The following CCDC40 variants were observed in gnomAD, a reference collection of about 807,000 sequenced individuals.
CCDC40 encodes the protein coiled-coil domain-containing protein 40.
A neutral mutation model predicts 124.5 loss-of-function variants in CCDC40; 104 were observed. The observed-to-expected ratio is 0.84, with a 90% CI of 0.71 to 0.98. CCDC40 has a LOEUF of 0.98. Ranked by LOEUF, CCDC40 falls within the 50% of genes least tolerant of loss-of-function variation. The pLI is 0.00. For missense variants in CCDC40, 1,463 were observed against 1,503.9 expected, an observed-to-expected ratio of 0.97 and a Z score of 0.45; for synonymous variants, 580 against 602.9, an observed-to-expected ratio of 0.96 and a Z score of 0.56.
Position 80,087,539 on chromosome 17 carries a change from C to A in CCDC40, c.2450-68C>A. On this transcript the variant is annotated intron_variant, in intron 14 of 19. Coordinates refer to ENST00000397545, the MANE Select transcript of CCDC40 (RefSeq NM_017950.4). This position sits in a 1 kb window ranked among gnomAD's most constrained non-coding sequence, Gnocchi z 4.5. ...CAAAACCTGGCTCACCTCTCGGACA[C>A]TGCTGCCTGCGGGCGAGGACCCGTA... 7.5e-7 allele frequency: 1 copy of A among 1,336,690 alleles called. No individual in the cohort carries two copies. The highest frequency in any genetic ancestry group is 1.1e-6 in the Non-Finnish European group (1 of 934,650). 82.8% of individuals were successfully genotyped at this position (1,336,690 alleles called of 1,614,324 possible). A position where few individuals can be genotyped will look rare whatever the true frequency, so the allele number is the denominator to read the frequency against.
In CCDC40 at chr17:80,086,219, A is replaced by G. The variant is rs2143749301; in HGVS notation, c.2449+3A>G. Reference sequence around the variant, plus strand: ...GCAGAAGAAACTACGAGTAGAAAGTAAGAGCCGCCGTGCCCGGCCCTGCAG... The same window carrying G: ...GCAGAAGAAACTACGAGTAGAAAGTGAGAGCCGCCGTGCCCGGCCCTGCAG... On this transcript the variant is annotated splice_donor_region_variant and intron_variant, in intron 14 of 19. Transcript: ENST00000397545. This position sits in a 1 kb window ranked among gnomAD's most constrained non-coding sequence, Gnocchi z 5.5. 6.3e-7 allele frequency: 1 copy of G among 1,592,046 alleles called. No homozygotes were observed. Among genetic ancestry groups the G allele is most frequent in the Non-Finnish European group, 8.5e-7 (1 of 1,169,786 alleles).
At chr17:80,090,329 AGGCACGTGCACGAACAAGGGACGC>A in intron 17 of CCDC40, 2 of 684,062 alleles carry the variant, frequency 2.9e-6, no homozygotes, top group East Asian at 3.4e-5. Context: ...GGACGCGCGC[AGGCACGTGCACGAACAAGGGACGC>A]GCGCAGGCAC....
At chr17:80,037,972 T>C in intron 1 of CCDC40, 151 bp from the exon 2 acceptor site, 1 of 652,760 alleles carries the variant, frequency 1.5e-6, no homozygotes, top group South Asian at 1.5e-5. Context: ...GTGCTATGGT[T>C]CCTGACAAAC....
intron 19 of CCDC40, among the ~76,000 whole-genome samples, 191 bp from the exon 20 acceptor site, chr17:80,099,336 A>G (rs893409367): frequency 6.6e-6 from 1 of 151,416 alleles, no homozygotes; most frequent in South Asian, 2.1e-4. Flanking sequence ...TGGGTGACCC[A>G]TAAAGCACCG....
At chr17:80,041,400 C>A (rs1192686334) in intron 3 of CCDC40, among the ~76,000 whole-genome samples, 1 of 151,724 alleles carries the variant, frequency 6.6e-6, no homozygotes, top group Non-Finnish European at 1.5e-5. Context: ...CCCAGCTACT[C>A]GGGAGGCTGA....
At chr17:80,062,884 C>T (rs1394339034) in intron 9 of CCDC40, among the ~76,000 whole-genome samples, 1 of 152,172 alleles carries the variant, frequency 6.6e-6, no homozygotes, top group African/African-American at 2.4e-5. Flanking sequence ...AGCCACCGCA[C>T]CTGGCACAAT....
At chr17:80,047,172 C>T (rs1162114681) in intron 3 of CCDC40, 107 bp from the exon 4 acceptor site, 3 of 1,246,448 alleles carry the variant, frequency 2.4e-6, no homozygotes, top group Non-Finnish European at 3.5e-6. Flanking sequence ...ACACAGGTGA[C>T]TATATTTTGA....
At chr17:80,070,140 G>A (rs62074556) in intron 10 of CCDC40, among the ~76,000 whole-genome samples, 16,841 of 152,292 alleles carry the variant, frequency 0.11, 968 homozygotes, top group Middle Eastern at 0.14. Context: ...GGGATGGGTT[G>A]GGTGTGGGCA....
At chr17:80,078,464 G>A (rs1294719823) in intron 10 of CCDC40, among the ~76,000 whole-genome samples, 6 of 152,122 alleles carry the variant, frequency 3.9e-5, no homozygotes, top group Non-Finnish European at 7.4e-5. Context: ...GTTTGTTGTG[G>A]TATGAGCGGG....
chr17:80,066,409 G>T lies in CCDC40; in HGVS notation c.1562+803G>T. The stretch of plus-strand genomic sequence containing the variant: ...TAAAGAAACAAAATGAAACCATTTT[G>T]TTTTTAAAAGTTTTTAGACCAAAAC... On this transcript the variant is annotated intron_variant, in intron 10 of 19. Coordinates refer to ENST00000397545, the MANE Select transcript of CCDC40 (RefSeq NM_017950.4). This position sits in a 1 kb window ranked among gnomAD's most constrained non-coding sequence, Gnocchi z 4.4. 1.9e-6 allele frequency: 1 copy of T among 534,190 alleles called. No homozygotes were observed. The highest frequency in any genetic ancestry group is 2.5e-5 in the South Asian group (1 of 39,822). 33.1% of individuals were successfully genotyped at this position (534,190 alleles called of 1,614,324 possible). A position where few individuals can be genotyped will look rare whatever the true frequency, so the allele number is the denominator to read the frequency against.
Position 80,081,411 on chromosome 17 carries a change from T to TAA in CCDC40, c.1563-134_1563-133dup, listed in dbSNP as rs1198955225. ...AAAAATAAATAAATAAATAAATAAATAAGAGTTGGCTTCCTAATTTATTTC... is the reference window on the plus strand; with the variant it reads ...AAAAATAAATAAATAAATAAATAAATAAAAGAGTTGGCTTCCTAATTTATTTC... On this transcript the variant is annotated intron_variant, in intron 10 of 19. Transcript: ENST00000397545. The TAA allele has an allele frequency of 1.3e-5, 9 of 678,854 alleles. 1 individual carries two copies. Among genetic ancestry groups the TAA allele is most frequent in the South Asian group, 1.3e-4 (6 of 45,784 alleles). 42.1% of individuals were successfully genotyped at this position (678,854 alleles called of 1,614,324 possible). A position where few individuals can be genotyped will look rare whatever the true frequency, so the allele number is the denominator to read the frequency against.
chr17:80,090,021 G>A (rs2038669592), intron 17 of CCDC40, 137 bp downstream of exon 17: 2 of 1,539,408 alleles, frequency 1.3e-6, no homozygotes, highest in African/African-American at 1.4e-5. Context: ...GTGGCAATGG[G>A]TGAGATTTCC....
rs761916536 is a variant in CCDC40, at chr17:80,058,913, C to T, written c.1373C>T (p.Ala458Val). ...GCCCAGCAACTGGAAGAAGACATTGCCCTGTTTGAGGCTCAGTACTTGGCC... is the reference window on the plus strand; with the variant it reads ...GCCCAGCAACTGGAAGAAGACATTGTCCTGTTTGAGGCTCAGTACTTGGCC... ...TRAQQLEEDI[A>V]LFEAQYLAQA... The change falls in exon 9 of 20, where the codon GCC becomes GTC. Residue 458 changes from alanine (A) to valine (V), a missense_variant. Ala to Val is a moderately conservative substitution (Grantham distance 64). Coordinates refer to ENST00000397545, the MANE Select transcript of CCDC40 (RefSeq NM_017950.4). This position sits in a 1 kb window ranked among gnomAD's most constrained non-coding sequence, Gnocchi z 4.2. 4 of 1,614,026 alleles carry T rather than the reference C, an allele frequency of 2.5e-6. No individual in the cohort carries two copies. In the East Asian group the frequency reaches 8.9e-5, roughly 36 times the overall value.
chr17:80,087,315 C>T lies in CCDC40; in HGVS notation c.2450-292C>T, dbSNP rs2038607046. The T allele has an allele frequency of 2.1e-6, 1 of 483,412 alleles. No homozygotes were observed. The allele number at this position is 483,412 out of a possible 1,614,324, so 29.9% of individuals were successfully genotyped here. On this transcript the variant is annotated intron_variant, in intron 14 of 19. Coordinates refer to ENST00000397545, the MANE Select transcript of CCDC40 (RefSeq NM_017950.4). The surrounding 1 kb of genome is among the most constrained non-coding windows in gnomAD (Gnocchi z 4.5). Reference sequence around the variant, plus strand: ...GTCTGGGGGAGGGAGCCTGGCCCTCCCACACGCCCTGCCCACACCTGCTGG... The same window carrying T: ...GTCTGGGGGAGGGAGCCTGGCCCTCTCACACGCCCTGCCCACACCTGCTGG...
At chr17:80,090,156 ACAGGACGCACACAGGCACG>A in intron 17 of CCDC40, 3 of 1,172,142 alleles carry the variant, frequency 2.6e-6, no homozygotes, top group South Asian at 1.4e-5. Flanking sequence ...GCAGAACAAC[ACAGGACGCACACAGGCACG>A]TGCACGAACA....
chr17:80,099,245 C>T (rs1292800591), intron 19 of CCDC40, among the ~76,000 whole-genome samples: 1 of 151,574 alleles, frequency 6.6e-6, no homozygotes, highest in Non-Finnish European at 1.5e-5. Flanking sequence ...GAGCCGAGAT[C>T]GCACCGCTGC....
Position 80,039,957 on chromosome 17 carries a change from A to T in CCDC40, c.239A>T (p.Glu80Val), listed in dbSNP as rs190249222. The part of the protein sequence containing the change: ...ETEGEAAVEG[E>V]EEAVSYGDAE... ...GAAGGGGAAGCAGCAGTGGAAGGGG[A>T]AGAGGAGGCTGTGTCCTATGGAGAT... Residue 80 changes from glutamate to valine, a missense_variant, in exon 3 of 20, where the codon GAA (glutamate) becomes GTA (valine). Coordinates refer to ENST00000397545, the MANE Select transcript of CCDC40 (RefSeq NM_017950.4). The T allele has an allele frequency of 3.6e-5, 58 of 1,613,722 alleles. No individual in the cohort carries two copies. The highest frequency in any genetic ancestry group is 4.8e-5 in the Non-Finnish European group (57 of 1,179,744).
At chr17:80,082,091 AG>A (rs1568707171) in intron 12 of CCDC40, 33 bp downstream of exon 12, 7 of 1,601,798 alleles carry the variant, frequency 4.4e-6, no homozygotes, top group Non-Finnish European at 6.0e-6. Context: ...GGCTGTGCGA[AG>A]CCCCCTGCAG....
Position 80,066,146 on chromosome 17 carries a change from C to G in CCDC40, c.1562+540C>G. Reference sequence around the variant, plus strand: ...CACCCAGGGTGACCAGGTCTCGGGACGCGGAAAGAAAAAGCCGGGCACTGT... The same window carrying G: ...CACCCAGGGTGACCAGGTCTCGGGAGGCGGAAAGAAAAAGCCGGGCACTGT... On this transcript the variant is annotated intron_variant, in intron 10 of 19. Transcript: ENST00000397545. This position sits in a 1 kb window ranked among gnomAD's most constrained non-coding sequence, Gnocchi z 4.4. 1.4e-6 allele frequency: 1 copy of G among 702,892 alleles called. No individual in the cohort carries two copies. Among genetic ancestry groups the G allele is most frequent in the South Asian group, 1.5e-5 (1 of 67,582 alleles). 43.5% of individuals were successfully genotyped at this position (702,892 alleles called of 1,614,324 possible).
Sources: allele counts gnomAD v4.1 joint callset (sites outside exome capture counted in the v4.1 genomes callset), GRCh38; gene constraint gnomAD v4.1.1; non-coding constraint Gnocchi (gnomAD v3.1); transcripts MANE v1.5; gene names NCBI Gene and HGNC (gene_info 2026-07-23, HGNC 2026-07-21).